Variants in ADAMTS17 observed in about 807,000 individuals in gnomAD.
The protein encoded by ADAMTS17 is ADAM metallopeptidase with thrombospondin type 1 motif 17, also known as A disintegrin and metalloproteinase with thrombospondin motifs 17.
In ADAMTS17, 113 loss-of-function variants were observed where a neutral mutation model predicts 141.5. The observed-to-expected ratio is 0.80, with a 90% CI of 0.69 to 0.93. The LOEUF is 0.93. Ranked by LOEUF, ADAMTS17 falls within the 40% of genes least tolerant of loss-of-function variation. ADAMTS17 has a pLI of 0.00. For synonymous variants in ADAMTS17, 768 were observed against 630.6 expected, an observed-to-expected ratio of 1.22 and a Z score of -3.27; for missense variants, 1,659 against 1,517.9, an observed-to-expected ratio of 1.09 and a Z score of -1.54.
intron 15 of ADAMTS17, among the ~76,000 whole-genome samples, chr15:100,092,351 ACACT>A (rs1360470032): frequency 6.6e-6 from 1 of 152,164 alleles, no homozygotes; most frequent in African/African-American, 2.4e-5. Flanking sequence ...TATTCAGAAA[ACACT>A]CAGACGCGTG....
intron 12 of ADAMTS17, among the ~76,000 whole-genome samples, chr15:100,117,990 C>T (rs1039037380): frequency 1.6e-4 from 24 of 152,168 alleles, no homozygotes; most frequent in African/African-American, 5.8e-4. Context: ...CTTTTTCCTC[C>T]TTTGCCATTT....
rs1247757084 is a variant in ADAMTS17 at position 100,070,516 on chromosome 15, A to T, written c.2138-16462T>A. On this transcript the variant is annotated intron_variant, in intron 15 of 21. Coordinates refer to ENST00000268070, the MANE Select transcript of ADAMTS17 (RefSeq NM_139057.4). The stretch of plus-strand genomic sequence containing the variant: ...AGTAAAGTACTCCTCAGCAAATGTA[A>T]AACAATAGAAATTATAACAAACTGT... 3.3e-5 allele frequency among the ~76,000 whole-genome samples: 5 copies of T among 150,284 alleles called. 1 individual carries two copies. Among genetic ancestry groups the T allele is most frequent in the Non-Finnish European group, 4.4e-5 (3 of 67,554 alleles).
intron 3 of ADAMTS17, among the ~76,000 whole-genome samples, chr15:100,287,416 A>G (rs762968894): frequency 6.6e-6 from 1 of 152,218 alleles, no homozygotes; most frequent in Non-Finnish European, 1.5e-5. Context: ...AGCCGTTGGC[A>G]TCCTTGAAAG....
intron 7 of ADAMTS17, among the ~76,000 whole-genome samples, chr15:100,224,276 G>C (rs1019078682): frequency 6.6e-6 from 1 of 152,184 alleles, no homozygotes; most frequent in African/African-American, 2.4e-5. Context: ...ACAGAGCAGA[G>C]ACAGAGCAAA....
chr15:100,269,846 T>G (rs556899740), intron 4 of ADAMTS17, among the ~76,000 whole-genome samples: 37 of 152,196 alleles, frequency 2.4e-4, no homozygotes, highest in Non-Finnish European at 4.4e-4. Flanking sequence ...TCGGTCTTCA[T>G]TTTGATTCTG....
At chr15:100,199,882 C>A (rs1010056565) in intron 7 of ADAMTS17, among the ~76,000 whole-genome samples, 2 of 152,240 alleles carry the variant, frequency 1.3e-5, no homozygotes, top group Non-Finnish European at 2.9e-5. Context: ...TCCCCTCAGG[C>A]GATGCCCCTG....
chr15:100,025,860 T>C (rs1282244152), intron 18 of ADAMTS17, among the ~76,000 whole-genome samples: 2 of 152,242 alleles, frequency 1.3e-5, no homozygotes, highest in Non-Finnish European at 2.9e-5. Flanking sequence ...ATTTCTTTAC[T>C]GTTTATTTAT....
intron 15 of ADAMTS17, among the ~76,000 whole-genome samples, chr15:100,077,283 CAAAAAAAAAAAAAAAA>C (rs71151934): frequency 1.8e-5 from 1 of 54,608 alleles, no homozygotes; most frequent in South Asian, 1.8e-3. Context: ...ATCTCTACCA[CAAAAAAAAAAAAAAAA>C]AAAAAAAAAA....
chr15:100,239,548 A>G (rs1254948583), intron 7 of ADAMTS17, among the ~76,000 whole-genome samples: 1 of 152,140 alleles, frequency 6.6e-6, no homozygotes, highest in African/African-American at 2.4e-5. Flanking sequence ...CAGCAAGAAG[A>G]GGCTACCCTT....
At chr15:100,298,957 C>G (rs1283101070) in intron 3 of ADAMTS17, among the ~76,000 whole-genome samples, 3 of 152,172 alleles carry the variant, frequency 2.0e-5, no homozygotes, top group Non-Finnish European at 2.9e-5. Context: ...GGACTTGTTC[C>G]AGGCCTCTCT....
intron 15 of ADAMTS17, among the ~76,000 whole-genome samples, chr15:100,075,070 A>G (rs1327931751): frequency 1.3e-5 from 2 of 152,102 alleles, no homozygotes; most frequent in Non-Finnish European, 2.9e-5. Context: ...ATAGGCCCGT[A>G]TATTTATACT....
intron 20 of ADAMTS17, among the ~76,000 whole-genome samples, chr15:99,989,905 A>G (rs1191774849): frequency 2.0e-5 from 3 of 152,216 alleles, no homozygotes; most frequent in Non-Finnish European, 4.4e-5. Flanking sequence ...GAAACCTCTA[A>G]GCATCTCTGA....
chr15:100,264,820 C>CA (rs2043652784), intron 4 of ADAMTS17, among the ~76,000 whole-genome samples: 1 of 151,290 alleles, frequency 6.6e-6, no homozygotes, highest in Non-Finnish European at 1.5e-5. Flanking sequence ...TGGGGGGAGG[C>CA]AAAAATGGGA....
At chr15:100,115,095 CTAAAAGTATCTT>C (rs2037029321) in intron 13 of ADAMTS17, among the ~76,000 whole-genome samples, 1 of 152,172 alleles carries the variant, frequency 6.6e-6, no homozygotes, top group East Asian at 1.9e-4. Context: ...GTAAAGAGGT[CTAAAAGTATCTT>C]TATCTGGCAT....
chr15:100,117,980 CT>C (rs1175292462), intron 12 of ADAMTS17, among the ~76,000 whole-genome samples: 2 of 152,210 alleles, frequency 1.3e-5, no homozygotes, highest in Admixed American at 1.3e-4. Context: ...TTGTGTATTT[CT>C]TTTTCCTCCT....
intron 10 of ADAMTS17, among the ~76,000 whole-genome samples, chr15:100,139,585 C>T (rs1382731631): frequency 3.9e-5 from 6 of 152,206 alleles, no homozygotes; most frequent in Non-Finnish European, 8.8e-5. Context: ...AAAGGAAAAA[C>T]AGTAAGTTAC....
At chr15:100,079,716 C>T (rs999394597) in intron 15 of ADAMTS17, among the ~76,000 whole-genome samples, 6 of 152,188 alleles carry the variant, frequency 3.9e-5, no homozygotes, top group South Asian at 2.1e-4. Flanking sequence ...ACACTTACTC[C>T]GGATATGGGT....
Position 100,078,828 on chromosome 15 carries a change from G to C in ADAMTS17, c.2137+17528C>G, listed in dbSNP as rs972177967. ...TGTGCAAAGCATTTGTCTGATAAAGGAACTGCATCCAGAATATATAAAGAA... is the reference window on the plus strand; with the variant it reads ...TGTGCAAAGCATTTGTCTGATAAAGCAACTGCATCCAGAATATATAAAGAA... On this transcript the variant is annotated intron_variant, in intron 15 of 21. Transcript: ENST00000268070. Among the ~76,000 whole-genome samples the C allele has an allele frequency of 1.5e-4, 23 of 152,240 alleles. 1 individual carries two copies. The highest frequency in any genetic ancestry group is 5.9e-4 in the Admixed American group (9 of 15,280).
intron 20 of ADAMTS17, among the ~76,000 whole-genome samples, chr15:99,987,643 C>T (rs1005723418): frequency 6.6e-6 from 1 of 152,308 alleles, no homozygotes; most frequent in Non-Finnish European, 1.5e-5. Context: ...CAGACAAAAA[C>T]GCTCGGGAAG....
Sources: allele counts gnomAD v4.1 joint callset (sites outside exome capture counted in the v4.1 genomes callset), GRCh38; gene constraint gnomAD v4.1.1; transcripts MANE v1.5; gene names NCBI Gene and HGNC (gene_info 2026-07-23, HGNC 2026-07-21).